Variants in SH3PXD2A observed in about 807,000 individuals in gnomAD.
The protein encoded by SH3PXD2A is SH3 and PX domains 2A.
SH3PXD2A carries 32 observed loss-of-function variants against 115.2 expected under a neutral mutation model. The ratio of observed to expected loss-of-function variants is 0.28; its 90% CI spans 0.21 to 0.37. The LOEUF is 0.37. SH3PXD2A is among the 10% of genes least tolerant of loss of function. SH3PXD2A has a pLI of 1.00. For missense variants in SH3PXD2A, 1,328 were observed against 1,498.7 expected, an observed-to-expected ratio of 0.89 and a Z score of 1.88; for synonymous variants, 610 against 629.1, an observed-to-expected ratio of 0.97 and a Z score of 0.45.
At chr10:103,710,329 C>T (rs11191778) in intron 5 of SH3PXD2A, among the ~76,000 whole-genome samples, 17,536 of 152,002 alleles carry the variant, frequency 0.12, 1,213 homozygotes, top group Non-Finnish European at 0.15. Flanking sequence ...GAGTCGAGAT[C>T]GCACCATTGC....
At chr10:103,744,565 T>G (rs2038479882) in intron 3 of SH3PXD2A, among the ~76,000 whole-genome samples, 1 of 152,186 alleles carries the variant, frequency 6.6e-6, no homozygotes, top group South Asian at 2.1e-4. Flanking sequence ...CAGCTTCTGG[T>G]GCAGCTGAGA....
chr10:103,728,344 T>C (rs755963142), intron 4 of SH3PXD2A, among the ~76,000 whole-genome samples: 3 of 152,214 alleles, frequency 2.0e-5, no homozygotes, highest in Non-Finnish European at 2.9e-5. Flanking sequence ...TGAGCCGTGA[T>C]AACATTAGTG....
At chr10:103,670,515 C>A (rs1019664705) in intron 6 of SH3PXD2A, among the ~76,000 whole-genome samples, 1 of 152,150 alleles carries the variant, frequency 6.6e-6, no homozygotes, top group Non-Finnish European at 1.5e-5. Flanking sequence ...TCTGGGGACA[C>A]CCAGAAAATC....
intron 2 of SH3PXD2A, among the ~76,000 whole-genome samples, chr10:103,773,325 A>G (rs916701696): frequency 2.0e-5 from 3 of 152,056 alleles, no homozygotes; most frequent in Non-Finnish European, 4.4e-5. Flanking sequence ...TGTTCATTCT[A>G]CTTAGCTGAG....
chr10:103,818,646 A>G (rs1379664126), intron 1 of SH3PXD2A, among the ~76,000 whole-genome samples: 1 of 152,210 alleles, frequency 6.6e-6, no homozygotes, highest in African/African-American at 2.4e-5. Context: ...CCTCCAGGAT[A>G]GAGAAACTGC....
chr10:103,642,451 T>A (rs985613544), intron 8 of SH3PXD2A, among the ~76,000 whole-genome samples: 1 of 152,192 alleles, frequency 6.6e-6, no homozygotes, highest in African/African-American at 2.4e-5. Flanking sequence ...TGCAGAAGGA[T>A]TGATATTGCC....
intron 8 of SH3PXD2A, among the ~76,000 whole-genome samples, chr10:103,647,687 C>T (rs1363401671): frequency 2.0e-5 from 3 of 152,120 alleles, no homozygotes; most frequent in Admixed American, 2.0e-4. Flanking sequence ...CATGCAAAGC[C>T]CAGGTGCCGA....
intron 4 of SH3PXD2A, among the ~76,000 whole-genome samples, chr10:103,726,172 C>T (rs1307645558): frequency 6.6e-6 from 1 of 152,192 alleles, no homozygotes; most frequent in African/African-American, 2.4e-5. Context: ...GAGGAGTCAA[C>T]AAACACAGGG....
intron 3 of SH3PXD2A, among the ~76,000 whole-genome samples, chr10:103,757,042 G>A (rs1484780755): frequency 2.0e-5 from 3 of 152,210 alleles, no homozygotes; most frequent in African/African-American, 7.2e-5. Context: ...CTACGCTGGA[G>A]TATGAGTTGG....
intron 2 of SH3PXD2A, among the ~76,000 whole-genome samples, chr10:103,786,577 G>T (rs1325191832): frequency 6.6e-6 from 1 of 152,154 alleles, no homozygotes; most frequent in Non-Finnish European, 1.5e-5. Flanking sequence ...TGAGCTGAGA[G>T]GATTGCTTGA....
chr10:103,741,125 G>A (rs1262220560), intron 3 of SH3PXD2A, among the ~76,000 whole-genome samples: 1 of 152,208 alleles, frequency 6.6e-6, no homozygotes, highest in Non-Finnish European at 1.5e-5. Flanking sequence ...AAGCTTCTCT[G>A]GGCTTCAGTG....
rs1458363723 is a variant in SH3PXD2A, at chr10:103,598,392, G to C, written c.*3424C>G. On this transcript the variant is annotated 3_prime_UTR_variant, in exon 15 of 15. Coordinates refer to ENST00000369774, the MANE Select transcript of SH3PXD2A (RefSeq NM_001394015.1). ...CTGCTGTCACAAAGAGGGATGAGGT[G>C]GGGGGAGATGACATTTTTTTCCCCT... 6.6e-6 allele frequency: 1 copy of C among 152,542 alleles called. No homozygotes were observed. The highest frequency in any genetic ancestry group is 1.5e-5 in the Non-Finnish European group (1 of 68,026). 9.4% of individuals were successfully genotyped at this position (152,542 alleles called of 1,614,324 possible).
At chr10:103,789,581 G>A (rs989728177) in intron 2 of SH3PXD2A, among the ~76,000 whole-genome samples, 1 of 151,872 alleles carries the variant, frequency 6.6e-6, no homozygotes, top group African/African-American at 2.4e-5. Flanking sequence ...CACCACCAAA[G>A]ATCCCCCTTC....
intron 2 of SH3PXD2A, among the ~76,000 whole-genome samples, chr10:103,774,082 T>C (rs574673704): frequency 6.6e-6 from 1 of 152,338 alleles, no homozygotes; most frequent in South Asian, 2.1e-4. Context: ...GCTTCTTGAA[T>C]CTGTAAGTTG....
rs143962271 is a variant in SH3PXD2A at position 103,808,246 on chromosome 10, CTCTTTTTTTT to C, written c.73-6894_73-6885del. Among the ~76,000 whole-genome samples the C allele has an allele frequency of 8.5e-3, 1,298 of 151,838 alleles. 13 individuals carry two copies. The highest frequency in any genetic ancestry group is 0.027 in the African/African-American group (1,111 of 41,354). ...GTAAAGGCCCTGGTGTTAAAGACCCCTCTTTTTTTTTCTTTTTTTTTTTGAGACAGGGTCT... is the reference window on the plus strand; with the variant it reads ...GTAAAGGCCCTGGTGTTAAAGACCCCTCTTTTTTTTTTTGAGACAGGGTCT... On this transcript the variant is annotated intron_variant, in intron 1 of 14. Coordinates refer to ENST00000369774, the MANE Select transcript of SH3PXD2A (RefSeq NM_001394015.1).
intron 4 of SH3PXD2A, among the ~76,000 whole-genome samples, chr10:103,730,769 T>C (rs2038306609): frequency 1.3e-5 from 2 of 152,062 alleles, no homozygotes; most frequent in Non-Finnish European, 2.9e-5. Flanking sequence ...AGACGACAAA[T>C]GTGGCCCTCA....
At chr10:103,822,600 A>G (rs2039392679) in intron 1 of SH3PXD2A, among the ~76,000 whole-genome samples, 1 of 152,264 alleles carries the variant, frequency 6.6e-6, no homozygotes, top group African/African-American at 2.4e-5. Flanking sequence ...GGAAGCCTGG[A>G]GCAAGCTCAG....
At chr10:103,822,919 C>G (rs942376539) in intron 1 of SH3PXD2A, among the ~76,000 whole-genome samples, 2 of 152,218 alleles carry the variant, frequency 1.3e-5, no homozygotes, top group African/African-American at 4.8e-5. Flanking sequence ...TCTTTTCTAT[C>G]TGGCTGACAG....
At chr10:103,821,245 C>G (rs145433542) in intron 1 of SH3PXD2A, among the ~76,000 whole-genome samples, 1 of 149,480 alleles carries the variant, frequency 6.7e-6, no homozygotes, top group South Asian at 2.1e-4. Flanking sequence ...TGGGTTCAAG[C>G]GATTCTCCTG....
Sources: allele counts gnomAD v4.1 joint callset (sites outside exome capture counted in the v4.1 genomes callset), GRCh38; gene constraint gnomAD v4.1.1; transcripts MANE v1.5; gene names NCBI Gene and HGNC (gene_info 2026-07-23, HGNC 2026-07-21).